SLBP: variants seen among roughly 807,000 people sequenced by gnomAD.
The protein encoded by SLBP is stem-loop histone mRNA binding protein, also known as histone RNA hairpin-binding protein.
Under a neutral mutation model 39.2 loss-of-function variants are expected in SLBP, and 29 were observed. The observed-to-expected ratio is 0.74, with a 90% CI of 0.55 to 1.01. The LOEUF (loss-of-function observed/expected upper bound fraction) is 1.01. SLBP is among the 50% of genes least tolerant of loss of function. SLBP has a pLI of 0.00. For synonymous variants in SLBP, 129 were observed against 118.7 expected, an observed-to-expected ratio of 1.09 and a Z score of -0.57; for missense variants, 390 against 350.2, an observed-to-expected ratio of 1.11 and a Z score of -0.91.
chr4:1,708,157 C>G (rs1716595403), intron 2 of SLBP, among the ~76,000 whole-genome samples: 1 of 151,214 alleles, frequency 6.6e-6, no homozygotes, highest in South Asian at 2.1e-4. Context: ...GAGGCTGAAG[C>G]AGGAGAACTG....
At chr4:1,711,808 G>A (rs954888759) in intron 2 of SLBP, 66 bp downstream of exon 2, 5 of 841,746 alleles carry the variant, frequency 5.9e-6, no homozygotes, top group African/African-American at 1.8e-5. Context: ...AGCGCGACGA[G>A]GTCCCTGGAG....
chr4:1,710,435 C>G (rs1358339806), intron 2 of SLBP, among the ~76,000 whole-genome samples: 1 of 152,070 alleles, frequency 6.6e-6, no homozygotes, highest in Non-Finnish European at 1.5e-5. Context: ...CTGTGTAAAC[C>G]AAAAAGTGTC....
At chr4:1,707,325 G>C (rs1204307978) in intron 2 of SLBP, among the ~76,000 whole-genome samples, 1 of 113,374 alleles carries the variant, frequency 8.8e-6, no homozygotes, top group Non-Finnish European at 1.9e-5. Flanking sequence ...GGCTAACATG[G>C]TGAAACGCTG....
chr4:1,710,027 C>A (rs1716676953), intron 2 of SLBP, among the ~76,000 whole-genome samples: 1 of 152,338 alleles, frequency 6.6e-6, no homozygotes, highest in African/African-American at 2.4e-5. Flanking sequence ...TAACCTGTCT[C>A]TTCTCATTCC....
intron 2 of SLBP, among the ~76,000 whole-genome samples, chr4:1,706,228 G>A (rs1240290882): frequency 6.6e-6 from 1 of 152,120 alleles, no homozygotes; most frequent in Non-Finnish European, 1.5e-5. Flanking sequence ...GGAGGTTGCA[G>A]TGAGCCGAAA....
chr4:1,709,388 C>T lies in SLBP; in HGVS notation c.176+2486G>A, dbSNP rs375909369. Among the ~76,000 whole-genome samples the T allele has an allele frequency of 9.2e-5, 14 of 152,264 alleles. No homozygotes were observed. The East Asian group carries it at 9.6e-4, about 10-fold the overall frequency. On this transcript the variant is annotated intron_variant, in intron 2 of 7. Transcript: ENST00000489418. ...TGCCATCATGTTCCCATGCTCAGAG[C>T]GAGACCTGCTCTCTTATCTGTAAAC...
intron 2 of SLBP, among the ~76,000 whole-genome samples, chr4:1,710,949 G>C (rs1278971406): frequency 6.6e-6 from 1 of 151,586 alleles, no homozygotes; most frequent in African/African-American, 2.4e-5. Flanking sequence ...TGCTGGGGAG[G>C]CTGAGGCAGG....
chr4:1,693,807 G>C, intron 7 of SLBP, 94 bp from the exon 8 acceptor site: 1 of 758,976 alleles, frequency 1.3e-6, no homozygotes, highest in Admixed American at 1.9e-5. Context: ...TAAATCATGT[G>C]ATGTAATGCA....
intron 7 of SLBP, among the ~76,000 whole-genome samples, chr4:1,694,525 C>A (rs559883907): frequency 6.6e-6 from 1 of 151,844 alleles, no homozygotes; most frequent in Admixed American, 6.6e-5. Flanking sequence ...CTGAGTAGCA[C>A]GGACTACAGG....
chr4:1,699,054 C>T (rs1170796702), intron 5 of SLBP, among the ~76,000 whole-genome samples: 1 of 152,174 alleles, frequency 6.6e-6, no homozygotes, highest in Non-Finnish European at 1.5e-5. Context: ...GCTGGAATTA[C>T]AAGCATGAGC....
intron 7 of SLBP, among the ~76,000 whole-genome samples, chr4:1,694,184 G>C (rs1716020660): frequency 6.6e-6 from 1 of 152,216 alleles, no homozygotes; most frequent in Non-Finnish European, 1.5e-5. Context: ...CCGGGTTCAA[G>C]TGATTCTCCT....
chr4:1,701,155 T>TTTA (rs1716312547), intron 3 of SLBP, among the ~76,000 whole-genome samples: 2 of 148,616 alleles, frequency 1.3e-5, no homozygotes, highest in Admixed American at 1.3e-4. Context: ...TCTTTTTTTT[T>TTTA]TTTTTTTTGA....
chr4:1,708,826 C>G (rs1222563581), intron 2 of SLBP, among the ~76,000 whole-genome samples: 2 of 152,220 alleles, frequency 1.3e-5, no homozygotes, highest in African/African-American at 4.8e-5. Context: ...CAGGCATTAT[C>G]CACAATGTGC....
At chr4:1,706,345 A>C (rs1716516055) in intron 2 of SLBP, among the ~76,000 whole-genome samples, 2 of 152,194 alleles carry the variant, frequency 1.3e-5, no homozygotes, top group African/African-American at 4.8e-5. Flanking sequence ...TGTAATTAAT[A>C]ATTCAGAATG....
At chr4:1,703,057 T>C (rs536345043) in intron 3 of SLBP, among the ~76,000 whole-genome samples, 20 of 151,904 alleles carry the variant, frequency 1.3e-4, no homozygotes, top group Non-Finnish European at 2.7e-4. Flanking sequence ...ACAAACATAG[T>C]GAAACCCCAT....
In SLBP at chr4:1,692,999, G is replaced by C. The variant is rs1715974884; in HGVS notation, c.*598C>G. 6.6e-6 allele frequency: 1 copy of C among 152,626 alleles called. No individual in the cohort carries two copies. Among genetic ancestry groups the C allele is most frequent in the South Asian group, 2.1e-4 (1 of 4,828 alleles). The allele number at this position is 152,626 out of a possible 1,614,324, so 9.5% of individuals were successfully genotyped here. A position where few individuals can be genotyped will look rare whatever the true frequency, so the allele number is the denominator to read the frequency against. On this transcript the variant is annotated 3_prime_UTR_variant, in exon 8 of 8. Coordinates refer to ENST00000489418, the MANE Select transcript of SLBP (RefSeq NM_006527.4). ...GCTCCACTCTGCTGCCCTAACTCTT[G>C]GAGTATTCTAAAGAGTCTAACTAGT... is the stretch of plus-strand genomic sequence containing the variant.
chr4:1,699,832 T>G, intron 4 of SLBP, 131 bp from the exon 5 acceptor site: 1 of 917,570 alleles, frequency 1.1e-6, no homozygotes. Flanking sequence ...GAATCCTAAA[T>G]AGTCCGGAGA....
chr4:1,693,840 G>A (rs1716007661), intron 7 of SLBP, 127 bp from the exon 8 acceptor site: 2 of 664,752 alleles, frequency 3.0e-6, no homozygotes, highest in East Asian at 2.5e-5. Context: ...CACTTCACGT[G>A]CAACTGAGAC....
Position 1,712,124 on chromosome 4 carries a change from C to A in SLBP, c.59+6G>T. The A allele has an allele frequency of 1.6e-6, 2 of 1,228,476 alleles. No homozygotes were observed. Among genetic ancestry groups the A allele is most frequent in the Non-Finnish European group, 2.0e-6 (2 of 986,286 alleles). 76.1% of individuals were successfully genotyped at this position (1,228,476 alleles called of 1,614,324 possible). ...CTCCCTCGCCCGCCGCGCAGCCCGG[C>A]CTCACCTGGCGTCACCGTCGCAGCG... On this transcript the variant is annotated splice_donor_region_variant and intron_variant, in intron 1 of 7. Coordinates refer to ENST00000489418, the MANE Select transcript of SLBP (RefSeq NM_006527.4).
Sources: gnomAD v4.1 joint callset for allele counts (sites outside exome capture counted in the v4.1 genomes callset) on GRCh38, gnomAD v4.1.1 for gene constraint, MANE v1.5 for transcripts, NCBI Gene and HGNC (gene_info 2026-07-23, HGNC 2026-07-21) for gene names.